The following SYT14 variants were observed in gnomAD, a reference collection of about 807,000 sequenced individuals.
SYT14 encodes the protein synaptotagmin-14.
SYT14 carries 32 observed loss-of-function variants against 74.2 expected under a neutral mutation model. The ratio of observed to expected loss-of-function variants is 0.43; its 90% CI spans 0.33 to 0.58. The LOEUF (loss-of-function observed/expected upper bound fraction) is 0.58, where lower values mean the gene tolerates loss of function less well. SYT14 is among the 20% of genes least tolerant of loss of function. The pLI, the probability that SYT14 is intolerant of heterozygous loss-of-function variation, is 0.05. For missense variants in SYT14, 791 were observed against 981.8 expected, an observed-to-expected ratio of 0.81 and a Z score of 2.60; for synonymous variants, 298 against 337.7, an observed-to-expected ratio of 0.88 and a Z score of 1.29.
chr1:210,094,114 C>T (rs1040489343), intron 5 of SYT14, among the ~76,000 whole-genome samples: 2 of 152,044 alleles, frequency 1.3e-5, no homozygotes, highest in Non-Finnish European at 2.9e-5. Context: ...TTTTCCTAAT[C>T]TTATTATGCA....
intron 5 of SYT14, among the ~76,000 whole-genome samples, chr1:210,086,441 C>T (rs2102497510): frequency 6.6e-6 from 1 of 152,234 alleles, no homozygotes; most frequent in African/African-American, 2.4e-5. Context: ...TTATTTTGAG[C>T]TCAGATGGTT....
At chr1:210,091,370 C>T (rs1286094048) in intron 5 of SYT14, among the ~76,000 whole-genome samples, 1 of 152,106 alleles carries the variant, frequency 6.6e-6, no homozygotes. Context: ...AAAAATATAA[C>T]CACAGGCAGA....
At chr1:210,031,206 T>G (rs1255860653) in intron 5 of SYT14, among the ~76,000 whole-genome samples, 1 of 151,938 alleles carries the variant, frequency 6.6e-6, no homozygotes, top group Non-Finnish European at 1.5e-5. Context: ...ATGGTTTTTC[T>G]TCTTCAGCCA....
At chr1:210,130,763 T>G (rs2082657102) in intron 7 of SYT14, among the ~76,000 whole-genome samples, 1 of 152,192 alleles carries the variant, frequency 6.6e-6, no homozygotes, top group African/African-American at 2.4e-5. Flanking sequence ...AGAAATGCTT[T>G]TAATACTCTA....
chr1:210,110,102 C>T (rs984993052), intron 7 of SYT14, among the ~76,000 whole-genome samples: 1 of 152,126 alleles, frequency 6.6e-6, no homozygotes, highest in African/African-American at 2.4e-5. Context: ...GAACATCACA[C>T]ACCGAGGCCT....
chr1:209,940,114 A>G (rs1350024332), intron 1 of SYT14, among the ~76,000 whole-genome samples: 1 of 152,234 alleles, frequency 6.6e-6, no homozygotes, highest in Admixed American at 6.5e-5. Flanking sequence ...TGGCAAAGAA[A>G]CTGTAATTAA....
At chr1:210,082,627 A>G (rs2081637922) in intron 5 of SYT14, among the ~76,000 whole-genome samples, 1 of 152,188 alleles carries the variant, frequency 6.6e-6, no homozygotes, top group African/African-American at 2.4e-5. Context: ...ATATATGCCA[A>G]CTTTTGTTAA....
intron 5 of SYT14, among the ~76,000 whole-genome samples, chr1:210,059,055 A>G (rs1229842418): frequency 6.6e-6 from 1 of 152,132 alleles, no homozygotes; most frequent in Non-Finnish European, 1.5e-5. Flanking sequence ...ACTATGAACT[A>G]TTATTAATTC....
intron 2 of SYT14, among the ~76,000 whole-genome samples, chr1:209,986,502 A>G (rs1374344646): frequency 6.6e-6 from 1 of 151,800 alleles, no homozygotes; most frequent in Non-Finnish European, 1.5e-5. Flanking sequence ...AGTCCCAGCT[A>G]CTCAGGAGGC....
At chr1:210,044,341 A>T (rs574632629) in intron 5 of SYT14, among the ~76,000 whole-genome samples, 1 of 152,140 alleles carries the variant, frequency 6.6e-6, no homozygotes, top group Non-Finnish European at 1.5e-5. Flanking sequence ...AAATGTAAAG[A>T]CCCTTGTGTT....
At chr1:210,148,057 T>C (rs1033964003) in intron 7 of SYT14, among the ~76,000 whole-genome samples, 22 of 151,922 alleles carry the variant, frequency 1.4e-4, no homozygotes, top group African/African-American at 5.1e-4. Context: ...CCCACCAAAA[T>C]CTATATTTTT....
chr1:210,104,834 G>T (rs2082130307), intron 7 of SYT14, among the ~76,000 whole-genome samples: 1 of 152,086 alleles, frequency 6.6e-6, no homozygotes, highest in Non-Finnish European at 1.5e-5. Flanking sequence ...ATAATAGTGA[G>T]GCTATTGGAC....
At chr1:209,970,314 G>C (rs2079228717) in intron 2 of SYT14, among the ~76,000 whole-genome samples, 1 of 152,102 alleles carries the variant, frequency 6.6e-6, no homozygotes, top group Non-Finnish European at 1.5e-5. Flanking sequence ...TTTATGAATA[G>C]GGTGTCCTTT....
At chr1:210,047,873 G>A (rs1399159762) in intron 5 of SYT14, among the ~76,000 whole-genome samples, 1 of 152,102 alleles carries the variant, frequency 6.6e-6, no homozygotes, top group Non-Finnish European at 1.5e-5. Context: ...CTTTTTTCAG[G>A]TTGATTTTTG....
chr1:210,017,836 C>T (rs537787051), intron 4 of SYT14, among the ~76,000 whole-genome samples: 1 of 152,150 alleles, frequency 6.6e-6, no homozygotes, highest in Non-Finnish European at 1.5e-5. Context: ...TAGTCATATC[C>T]ACTTATTGCT....
At chr1:209,944,992 T>C (rs2078799297) in intron 1 of SYT14, among the ~76,000 whole-genome samples, 1 of 152,112 alleles carries the variant, frequency 6.6e-6, no homozygotes, top group Non-Finnish European at 1.5e-5. Context: ...AGGCAACATA[T>C]ATTCATTTTC....
At chr1:209,948,327 C>G (rs1425280132) in intron 1 of SYT14, among the ~76,000 whole-genome samples, 1 of 152,206 alleles carries the variant, frequency 6.6e-6, no homozygotes, top group Admixed American at 6.5e-5. Context: ...TGTGTATATT[C>G]ATACACAAAC....
intron 5 of SYT14, among the ~76,000 whole-genome samples, chr1:210,093,532 A>G (rs1018978194): frequency 1.3e-5 from 2 of 152,166 alleles, no homozygotes; most frequent in African/African-American, 4.8e-5. Context: ...ACCGAGGTAA[A>G]TCATTGAGGT....
At chr1:210,158,167 G>A (rs2083305246) in intron 8 of SYT14, among the ~76,000 whole-genome samples, 1 of 152,182 alleles carries the variant, frequency 6.6e-6, no homozygotes, top group Admixed American at 6.5e-5. Flanking sequence ...GAGAAAAGAA[G>A]CAATTTCTAG....
Sources: allele counts gnomAD v4.1 joint callset (sites outside exome capture counted in the v4.1 genomes callset), GRCh38; gene constraint gnomAD v4.1.1; transcripts MANE v1.5; gene names NCBI Gene and HGNC (gene_info 2026-07-23, HGNC 2026-07-21).